Variants in NTRK3 observed in about 807,000 individuals in gnomAD.
NTRK3 encodes NT-3 growth factor receptor.
In NTRK3, 24 loss-of-function variants were observed where a neutral mutation model predicts 91.7. That is an observed-to-expected ratio of 0.26 (90% CI 0.19 to 0.37). The LOEUF is 0.37. NTRK3 is among the 10% of genes least tolerant of loss of function. The pLI, the probability that NTRK3 is intolerant of heterozygous loss-of-function variation, is 1.00. For missense variants in NTRK3, 880 were observed against 1,068.9 expected (o/e 0.82, Z 2.46); for synonymous variants, 483 against 404.0 (o/e 1.20, Z -2.34).
At chr15:87,869,829 T>C (rs1236399245) in exon 19 of NTRK3, 8 of 196,836 alleles carry the variant, frequency 4.1e-5, no homozygotes, top group Non-Finnish European at 8.4e-5. Context: ...CATGGACAGA[T>C]CTCCAATGAG....
At chr15:88,176,132 C>CTTTT (rs1567586337) in intron 5 of NTRK3, among the ~76,000 whole-genome samples, 2 of 136,272 alleles carry the variant, frequency 1.5e-5, no homozygotes, top group African/African-American at 6.2e-5. Flanking sequence ...CCTATATGCC[C>CTTTT]CTTCTTTTTT....
chr15:88,084,067 C>A (rs1256333160), intron 13 of NTRK3, among the ~76,000 whole-genome samples: 1 of 150,370 alleles, frequency 6.7e-6, no homozygotes, highest in South Asian at 2.1e-4. Context: ...TTTGTAAGAG[C>A]CATTTCATGT....
At chr15:88,218,332 C>G (rs1047505005) in intron 3 of NTRK3, among the ~76,000 whole-genome samples, 2 of 152,184 alleles carry the variant, frequency 1.3e-5, no homozygotes, top group Non-Finnish European at 2.9e-5. Context: ...CTGGTGAAGA[C>G]CCAGGCTATG....
chr15:88,045,985 T>C (rs1408022641), intron 13 of NTRK3, among the ~76,000 whole-genome samples: 2 of 152,194 alleles, frequency 1.3e-5, no homozygotes, highest in Non-Finnish European at 2.9e-5. Flanking sequence ...CATTAACAGG[T>C]ACTAGTGATT....
chr15:88,196,828 A>G (rs1259307613), intron 3 of NTRK3, among the ~76,000 whole-genome samples: 3 of 152,172 alleles, frequency 2.0e-5, no homozygotes, highest in Non-Finnish European at 2.9e-5. Flanking sequence ...CTAGTTCTAC[A>G]GCTCTACCCT....
chr15:87,895,710 T>TC lies in NTRK3; in HGVS notation c.2134-15283dup, dbSNP rs1178965728. On this transcript the variant is annotated intron_variant, in intron 17 of 18. Coordinates refer to ENST00000394480, the Ensembl canonical transcript of NTRK3. ...TGATAAGAAACATTTTACAACCTGC[T>TC]CGCTCTCTGAAGTCTGCTTTCTGAG... Among the ~76,000 whole-genome samples the TC allele has an allele frequency of 2.0e-5, 3 of 152,102 alleles. No homozygotes were observed. In the East Asian group the frequency reaches 5.8e-4, roughly 29 times the overall value.
At chr15:87,952,254 A>G (rs1360470168) in intron 14 of NTRK3, among the ~76,000 whole-genome samples, 1 of 145,120 alleles carries the variant, frequency 6.9e-6, no homozygotes, top group Non-Finnish European at 1.5e-5. Flanking sequence ...AGAAAGAAAG[A>G]GAAAGAAAAG....
At chr15:88,161,716 T>C (rs1317644553) in intron 5 of NTRK3, among the ~76,000 whole-genome samples, 1 of 152,104 alleles carries the variant, frequency 6.6e-6, no homozygotes, top group Admixed American at 6.5e-5. Context: ...TGTAGAGTGA[T>C]CACACAGTGA....
At chr15:88,009,496 T>G (rs1027210729) in intron 14 of NTRK3, among the ~76,000 whole-genome samples, 4 of 152,208 alleles carry the variant, frequency 2.6e-5, no homozygotes, top group African/African-American at 9.6e-5. Flanking sequence ...GACAGATCCT[T>G]CTATCTTTCA....
At chr15:87,935,603 C>A (rs1567126470) in intron 15 of NTRK3, among the ~76,000 whole-genome samples, 1 of 152,056 alleles carries the variant, frequency 6.6e-6, no homozygotes, top group African/African-American at 2.4e-5. Flanking sequence ...CTGAACCCAG[C>A]ATGGGTGGGA....
intron 14 of NTRK3, chr15:87,981,085 C>G: frequency 7.5e-7 from 1 of 1,331,596 alleles, no homozygotes; most frequent in Non-Finnish European, 1.0e-6. Flanking sequence ...TTTTTTAGTA[C>G]CAAATCCCGT....
chr15:88,147,278 C>T (rs2042971150), intron 6 of NTRK3, 57 bp downstream of exon 6: 2 of 1,501,300 alleles, frequency 1.3e-6, no homozygotes, highest in African/African-American at 1.4e-5. Context: ...GACACTCCTC[C>T]CCATCCACCC....
At chr15:88,211,657 C>G (rs1384058938) in intron 3 of NTRK3, among the ~76,000 whole-genome samples, 1 of 152,196 alleles carries the variant, frequency 6.6e-6, no homozygotes, top group East Asian at 1.9e-4. Flanking sequence ...CCAAGGTGAA[C>G]TAGTTCTCAC....
rs2141916719 is a variant in NTRK3 at position 87,929,435 on chromosome 15, C to A, written c.1890-1G>T. 6.2e-7 allele frequency: 1 copy of A among 1,613,780 alleles called. No individual in the cohort carries two copies. Among genetic ancestry groups the A allele is most frequent in the South Asian group, 1.1e-5 (1 of 91,034 alleles). On this transcript the variant is annotated splice_acceptor_variant, in intron 16 of 18. Coordinates refer to ENST00000394480, the Ensembl canonical transcript of NTRK3. LOFTEE classifies it high-confidence loss of function. ...GATCATTGCATCTGGCCCATGGGCC[C>A]TGCAAGAGCATGGGGAGAAGAGAGG... is the stretch of plus-strand genomic sequence containing the variant.
intron 14 of NTRK3, among the ~76,000 whole-genome samples, chr15:87,960,279 A>G (rs1049354627): frequency 1.3e-5 from 2 of 152,168 alleles, no homozygotes; most frequent in Non-Finnish European, 2.9e-5. Flanking sequence ...TCTGTCTTCA[A>G]TTCTACTTAC....
chr15:88,119,934 C>T (rs111422639), intron 13 of NTRK3, among the ~76,000 whole-genome samples: 26 of 152,326 alleles, frequency 1.7e-4, no homozygotes, highest in African/African-American at 5.8e-4. Flanking sequence ...TATCACACAC[C>T]ACACTTCCAG....
At chr15:88,059,046 A>G (rs1385430940) in intron 13 of NTRK3, among the ~76,000 whole-genome samples, 7 of 139,324 alleles carry the variant, frequency 5.0e-5, no homozygotes, top group African/African-American at 1.5e-4. Flanking sequence ...TCACTCACAC[A>G]CAAACACACA....
At chr15:87,935,349 T>C (rs1159174154) in intron 15 of NTRK3, among the ~76,000 whole-genome samples, 1 of 152,200 alleles carries the variant, frequency 6.6e-6, no homozygotes, top group Non-Finnish European at 1.5e-5. Context: ...CTATGTGTTC[T>C]CCACTTCAAA....
intron 17 of NTRK3, among the ~76,000 whole-genome samples, chr15:87,901,707 T>C (rs2066462316): frequency 1.3e-5 from 2 of 149,148 alleles, no homozygotes; most frequent in African/African-American, 2.5e-5. Context: ...CTATGAAAAC[T>C]ACTATTATCG....
Sources: allele counts gnomAD v4.1 joint callset (sites outside exome capture counted in the v4.1 genomes callset), GRCh38; gene constraint gnomAD v4.1.1; transcripts MANE v1.5; gene names NCBI Gene and HGNC (gene_info 2026-07-23, HGNC 2026-07-21).